The following CDRT4 variants were observed in gnomAD, a reference collection of about 807,000 sequenced individuals.
CDRT4 encodes the protein CMT1A duplicated region transcript 4 protein.
For synonymous variants in CDRT4, 64 were observed against 69.6 expected (o/e 0.92, Z 0.40); for missense variants, 167 against 193.1 (o/e 0.87, Z 0.80).
intron 2 of CDRT4, among the ~76,000 whole-genome samples, chr17:15,445,109 C>T (rs1014019952): frequency 6.6e-6 from 1 of 152,194 alleles, no homozygotes; most frequent in Non-Finnish European, 1.5e-5. Flanking sequence ...CCCACTCAGA[C>T]TTTTTGCCCT....
intron 3 of CDRT4, chr17:15,439,018 G>C: frequency 2.4e-6 from 1 of 416,274 alleles, no homozygotes; most frequent in South Asian, 1.7e-5. Context: ...GAAATTCAAC[G>C]CATTAGTTTA....
intron 1 of CDRT4, among the ~76,000 whole-genome samples, chr17:15,453,286 T>C (rs766530027): frequency 7.2e-5 from 11 of 152,206 alleles, no homozygotes; most frequent in South Asian, 2.1e-4. Context: ...CCTTTAATTA[T>C]TCATTTCAAA....
intron 2 of CDRT4, among the ~76,000 whole-genome samples, chr17:15,442,182 G>A (rs2954765): frequency 0.18 from 26,936 of 151,958 alleles, 3,892 homozygotes; most frequent in East Asian, 0.46. Flanking sequence ...AGACCACGAC[G>A]GGCGGATCAC....
At chr17:15,459,238 GAAC>G (rs1979628471) in intron 1 of CDRT4, among the ~76,000 whole-genome samples, 1 of 151,944 alleles carries the variant, frequency 6.6e-6, no homozygotes, top group African/African-American at 2.4e-5. Flanking sequence ...CTCCACTCAT[GAAC>G]AACAAGACAA....
At chr17:15,443,234 T>A (rs1277296530) in intron 2 of CDRT4, among the ~76,000 whole-genome samples, 3 of 152,082 alleles carry the variant, frequency 2.0e-5, no homozygotes, top group African/African-American at 7.2e-5. Context: ...AGGAAGAGGA[T>A]GAACTCCTGT....
intron 2 of CDRT4, among the ~76,000 whole-genome samples, chr17:15,442,342 G>A (rs1038431775): frequency 6.6e-6 from 1 of 151,830 alleles, no homozygotes; most frequent in South Asian, 2.1e-4. Context: ...CCCAGGAGGC[G>A]GAGGTTGCAG....
Position 15,437,460 on chromosome 17 carries a change from G to C in CDRT4, c.*313C>G, listed in dbSNP as rs540210175. On this transcript the variant is annotated 3_prime_UTR_variant, in exon 4 of 4. Coordinates refer to ENST00000619038, the MANE Select transcript of CDRT4 (RefSeq NM_001204477.2). ...TATATTATCTCTAATAAAAGAGCTT[G>C]TGTGATTTCTGTCTCCTGCCTGGAC... is the stretch of plus-strand genomic sequence containing the variant. 1 of 419,016 alleles carries C rather than the reference G, an allele frequency of 2.4e-6. No homozygotes were observed. Among genetic ancestry groups the C allele is most frequent in the Non-Finnish European group, 4.3e-6 (1 of 232,758 alleles). The allele number at this position is 419,016 out of a possible 1,614,324, so 26.0% of individuals were successfully genotyped here. A position where few individuals can be genotyped will look rare whatever the true frequency, so the allele number is the denominator to read the frequency against.
At chr17:15,455,999 T>C (rs1010222387) in intron 1 of CDRT4, among the ~76,000 whole-genome samples, 1 of 152,098 alleles carries the variant, frequency 6.6e-6, no homozygotes, top group East Asian at 1.9e-4. Flanking sequence ...GGATAACCAA[T>C]AAAAAGCCCC....
intron 1 of CDRT4, among the ~76,000 whole-genome samples, chr17:15,461,479 A>G (rs1448153549): frequency 6.6e-6 from 1 of 152,212 alleles, no homozygotes; most frequent in African/African-American, 2.4e-5. Flanking sequence ...CCTGCCAGTT[A>G]CAGTGACGGA....
At chr17:15,457,690 G>C (rs574626200) in intron 1 of CDRT4, among the ~76,000 whole-genome samples, 4 of 152,220 alleles carry the variant, frequency 2.6e-5, no homozygotes, top group African/African-American at 9.7e-5. Context: ...GGAATGTGGA[G>C]CCAGCAGGGT....
At chr17:15,459,337 C>G (rs917605224) in intron 1 of CDRT4, among the ~76,000 whole-genome samples, 1 of 152,078 alleles carries the variant, frequency 6.6e-6, no homozygotes, top group East Asian at 1.9e-4. Context: ...GCCATTTGCA[C>G]TGTTGTCTTC....
At chr17:15,445,639 T>C (rs1480331020) in intron 2 of CDRT4, among the ~76,000 whole-genome samples, 2 of 152,186 alleles carry the variant, frequency 1.3e-5, no homozygotes, top group African/African-American at 2.4e-5. Context: ...GATAGAATGA[T>C]GAACTTGCTC....
At chr17:15,438,243 T>C (rs1362910052) in intron 3 of CDRT4, 43 bp from the exon 4 acceptor site, 2 of 1,573,090 alleles carry the variant, frequency 1.3e-6, no homozygotes, top group Non-Finnish European at 8.6e-7. Flanking sequence ...GGCAGTCACA[T>C]GCAATAGCTT....
intron 2 of CDRT4, among the ~76,000 whole-genome samples, chr17:15,448,801 C>G (rs1417363601): frequency 6.6e-6 from 1 of 152,212 alleles, no homozygotes; most frequent in African/African-American, 2.4e-5. Flanking sequence ...GCGCTGTCCT[C>G]TGCCCCTCAG....
intron 1 of CDRT4, among the ~76,000 whole-genome samples, chr17:15,463,345 T>A (rs1446158830): frequency 2.0e-5 from 3 of 152,204 alleles, no homozygotes; most frequent in African/African-American, 7.2e-5. Context: ...CACTGACTTT[T>A]AGGCTGTAAT....
chr17:15,449,688 T>C (rs953375060), intron 2 of CDRT4, among the ~76,000 whole-genome samples: 1 of 152,182 alleles, frequency 6.6e-6, no homozygotes, highest in Admixed American at 6.5e-5. Context: ...CAACAGGTAA[T>C]TGTTCCACCC....
chr17:15,447,102 G>A lies in CDRT4; in HGVS notation c.-48+5902C>T, dbSNP rs116740432. On this transcript the variant is annotated intron_variant, in intron 2 of 3. Coordinates refer to ENST00000619038, the MANE Select transcript of CDRT4 (RefSeq NM_001204477.2). ...AGGGTCCGCAATCCAGGTTTCCCGT[G>A]CTGATAAATCCAGACTAATCATTGC... is the stretch of plus-strand genomic sequence containing the variant. Among the ~76,000 whole-genome samples the A allele has an allele frequency of 5.6e-3, 855 of 152,258 alleles. 5 individuals carry two copies. The highest frequency in any genetic ancestry group is 0.02 in the African/African-American group (820 of 41,536).
At position 15,439,080 on chromosome 17, in the gene CDRT4, C is replaced by T. The variant is rs145744820; in HGVS notation, c.32-880G>A. On this transcript the variant is annotated intron_variant, in intron 3 of 3. Coordinates refer to ENST00000619038, the MANE Select transcript of CDRT4 (RefSeq NM_001204477.2). ...CAAAATCATGGGCATGTCAGTCCTT[C>T]CCATCTTTCATTAGCAACGTCACTC... The T allele has an allele frequency of 2.2e-3, 1,011 of 455,628 alleles. 6 individuals carry two copies. Among genetic ancestry groups the T allele is most frequent in the African/African-American group, 0.018 (902 of 50,146 alleles). 28.2% of individuals were successfully genotyped at this position (455,628 alleles called of 1,614,324 possible).
rs3029212 is a variant in CDRT4 at position 15,456,563 on chromosome 17, T to TACACAC, written c.-129-3484_-129-3479dup. On this transcript the variant is annotated intron_variant, in intron 1 of 3. Transcript: ENST00000619038. ...AGGAAGATTGCCGCTAATCTTCCTT[T>TACACAC]ACACACACACACACACACACACACA... 8.4e-3 allele frequency among the ~76,000 whole-genome samples: 1,231 copies of TACACAC among 145,702 alleles called. 21 individuals are homozygous for TACACAC. Among genetic ancestry groups the TACACAC allele is most frequent in the African/African-American group, 0.022 (880 of 39,154 alleles).
Sources: allele counts gnomAD v4.1 joint callset (sites outside exome capture counted in the v4.1 genomes callset), GRCh38; gene constraint gnomAD v4.1.1; transcripts MANE v1.5; gene names NCBI Gene and HGNC (gene_info 2026-07-23, HGNC 2026-07-21).